The following PIGU variants were observed in gnomAD, a reference collection of about 807,000 sequenced individuals.
PIGU encodes GPI-anchor transamidase component PIGU.
Under a neutral mutation model 49.9 loss-of-function variants are expected in PIGU, and 24 were observed. The observed-to-expected ratio is 0.48, with a 90% CI of 0.35 to 0.68. The LOEUF (loss-of-function observed/expected upper bound fraction) is 0.68. Ranked by LOEUF, PIGU falls within the 30% of genes least tolerant of loss-of-function variation. PIGU has a pLI of 0.01. For missense variants in PIGU, 490 were observed against 532.6 expected (o/e 0.92, Z 0.79); for synonymous variants, 220 against 205.7 (o/e 1.07, Z -0.59).
intron 7 of PIGU, among the ~76,000 whole-genome samples, chr20:34,590,676 A>T (rs748795994): frequency 6.6e-6 from 1 of 151,972 alleles, no homozygotes; most frequent in Non-Finnish European, 1.5e-5. Context: ...TGTTGTTAGG[A>T]AAAAAATCAG....
chr20:34,659,465 C>T (rs1338594672), intron 1 of PIGU, among the ~76,000 whole-genome samples: 3 of 150,916 alleles, frequency 2.0e-5, no homozygotes, highest in African/African-American at 4.9e-5. Context: ...CCGCCCCGTC[C>T]GGGAGGTGAG....
At chr20:34,574,959 C>T in intron 11 of PIGU, 145 bp downstream of exon 11, 2 of 1,094,938 alleles carry the variant, frequency 1.8e-6, no homozygotes, top group South Asian at 1.5e-5. Context: ...CCCGTCCTCA[C>T]TGACTGGGAG....
chr20:34,603,890 C>A (rs1984521752), intron 7 of PIGU, among the ~76,000 whole-genome samples: 1 of 72,380 alleles, frequency 1.4e-5, no homozygotes, highest in South Asian at 3.3e-4. Context: ...ACACACACAC[C>A]ACACCCCTAC....
At chr20:34,625,988 T>C (rs544714155) in intron 6 of PIGU, among the ~76,000 whole-genome samples, 349 of 148,984 alleles carry the variant, frequency 2.3e-3, no homozygotes, top group Non-Finnish European at 4.1e-3. Context: ...ACATACACAA[T>C]TTTACATTGT....
rs41287070 is a variant in PIGU, at chr20:34,579,560, C to T, written c.1051+1988G>A. On this transcript the variant is annotated intron_variant, in intron 10 of 11. Transcript: ENST00000217446. ...CCTAAGGACCAGGGCTGATGCTGCT[C>T]CCAGCTAATAATGATTCACAGTTGT... Among the ~76,000 whole-genome samples, 983 of 152,328 alleles carry T rather than the reference C, an allele frequency of 6.5e-3. 13 individuals are homozygous for T. Among genetic ancestry groups the T allele is most frequent in the South Asian group, 0.049 (238 of 4,830 alleles).
intron 4 of PIGU, among the ~76,000 whole-genome samples, chr20:34,642,959 C>A (rs1279850964): frequency 2.6e-5 from 4 of 151,718 alleles, no homozygotes; most frequent in Non-Finnish European, 5.9e-5. Context: ...TCTACCTACC[C>A]AACCTATTTC....
At chr20:34,597,506 T>C (rs996336255) in intron 7 of PIGU, among the ~76,000 whole-genome samples, 9 of 152,220 alleles carry the variant, frequency 5.9e-5, no homozygotes, top group African/African-American at 1.7e-4. Flanking sequence ...CCGAAGATAC[T>C]TTCTGTATTT....
intron 10 of PIGU, among the ~76,000 whole-genome samples, chr20:34,581,275 T>C (rs1983447404): frequency 6.6e-6 from 1 of 152,192 alleles, no homozygotes; most frequent in Non-Finnish European, 1.5e-5. Context: ...CCTCAAAGGC[T>C]GGTGTGAAGA....
chr20:34,615,347 AT>A (rs1275903125), intron 7 of PIGU, among the ~76,000 whole-genome samples: 1 of 152,236 alleles, frequency 6.6e-6, no homozygotes, highest in Non-Finnish European at 1.5e-5. Flanking sequence ...CACATACTCC[AT>A]TTAAGTCCTA....
chr20:34,585,399 G>T, intron 9 of PIGU, 38 bp downstream of exon 9: 1 of 1,607,908 alleles, frequency 6.2e-7, no homozygotes, highest in Non-Finnish European at 8.5e-7. Context: ...TTCTCGGACA[G>T]CTCTGTACAC....
At position 34,560,810 on chromosome 20, in the gene PIGU, C is replaced by G. The variant is rs559972303; in HGVS notation, c.*56G>C. 7.6e-5 allele frequency: 101 copies of G among 1,333,390 alleles called. No homozygotes were observed. The East Asian group carries it at 2.3e-3, about 31-fold the overall frequency. 82.6% of individuals were successfully genotyped at this position (1,333,390 alleles called of 1,614,324 possible). A position where few individuals can be genotyped will look rare whatever the true frequency, so the allele number is the denominator to read the frequency against. On this transcript the variant is annotated 3_prime_UTR_variant, in exon 12 of 12. Coordinates refer to ENST00000217446, the MANE Select transcript of PIGU (RefSeq NM_080476.5). Reference sequence around the variant, plus strand: ...TGGCAACTCTGGCTGGAGGGCTTGGCCCAGCTTCTGGCCCCACAGCCCCCT... The same window carrying G: ...TGGCAACTCTGGCTGGAGGGCTTGGGCCAGCTTCTGGCCCCACAGCCCCCT...
chr20:34,607,670 C>T (rs950849365), intron 7 of PIGU, among the ~76,000 whole-genome samples: 3 of 152,196 alleles, frequency 2.0e-5, no homozygotes, highest in Admixed American at 2.0e-4. Flanking sequence ...ATGTGAAATG[C>T]TTAAGCCATC....
chr20:34,625,378 A>C (rs890077033), intron 6 of PIGU, among the ~76,000 whole-genome samples: 44 of 151,740 alleles, frequency 2.9e-4, no homozygotes, highest in African/African-American at 3.6e-4. Flanking sequence ...CAAAAAAAAA[A>C]AAAACAAAAA....
At chr20:34,571,061 A>G (rs1982994142) in intron 11 of PIGU, among the ~76,000 whole-genome samples, 1 of 152,198 alleles carries the variant, frequency 6.6e-6, no homozygotes, top group Non-Finnish European at 1.5e-5. Context: ...GCTGTGGGTC[A>G]TCATCCCGGT....
intron 1 of PIGU, among the ~76,000 whole-genome samples, chr20:34,664,110 A>G (rs181636311): frequency 6.6e-6 from 1 of 152,348 alleles, no homozygotes; most frequent in Admixed American, 6.5e-5. Context: ...CTTAATTGAT[A>G]ACTGATCTGG....
intron 2 of PIGU, among the ~76,000 whole-genome samples, chr20:34,647,254 A>G (rs1163098176): frequency 6.6e-6 from 1 of 150,966 alleles, no homozygotes; most frequent in Non-Finnish European, 1.5e-5. Flanking sequence ...TACAAGTGTG[A>G]GCCACCGTGC....
chr20:34,571,013 A>C (rs977005992), intron 11 of PIGU, among the ~76,000 whole-genome samples: 2 of 152,182 alleles, frequency 1.3e-5, no homozygotes, highest in African/African-American at 4.8e-5. Context: ...TGGCAACAGG[A>C]CCCACAAGTT....
intron 3 of PIGU, 84 bp from the exon 4 acceptor site, chr20:34,644,310 G>C: frequency 9.1e-7 from 1 of 1,104,498 alleles, no homozygotes; most frequent in Non-Finnish European, 1.4e-6. Flanking sequence ...GGAGTTTTGA[G>C]ATAGTGATGG....
intron 1 of PIGU, among the ~76,000 whole-genome samples, chr20:34,668,584 A>G (rs1469888516): frequency 2.7e-5 from 4 of 150,746 alleles, no homozygotes; most frequent in African/African-American, 9.7e-5. Context: ...CCTGGCTAAC[A>G]TGGTGAAATC....
Sources: gnomAD v4.1 joint callset for allele counts (sites outside exome capture counted in the v4.1 genomes callset) on GRCh38, gnomAD v4.1.1 for gene constraint, MANE v1.5 for transcripts, NCBI Gene and HGNC (gene_info 2026-07-23, HGNC 2026-07-21) for gene names.